The following COL19A1 variants were observed in gnomAD, a reference collection of about 807,000 sequenced individuals.
COL19A1 encodes the protein collagen alpha-1(XIX) chain.
In COL19A1, 159 loss-of-function variants were observed where a neutral mutation model predicts 190.2. The ratio of observed to expected loss-of-function variants is 0.84; its 90% CI spans 0.73 to 0.95. COL19A1 has a LOEUF of 0.95. Among genes scored for constraint, COL19A1 ranks in the 40% least tolerant of loss-of-function variants. COL19A1 has a pLI of 0.00. For synonymous variants in COL19A1, 509 were observed against 458.9 expected, an observed-to-expected ratio of 1.11 and a Z score of -1.39; for missense variants, 1,418 against 1,431.9, an observed-to-expected ratio of 0.99 and a Z score of 0.16.
intron 15 of COL19A1, among the ~76,000 whole-genome samples, chr6:70,090,195 G>T (rs1232608902): frequency 6.6e-6 from 1 of 151,746 alleles, no homozygotes; most frequent in African/African-American, 2.4e-5. Context: ...AAAAAGATTT[G>T]CACATGGAAA....
intron 14 of COL19A1, among the ~76,000 whole-genome samples, chr6:70,055,302 T>C (rs1267853509): frequency 6.6e-6 from 1 of 152,070 alleles, no homozygotes; most frequent in Non-Finnish European, 1.5e-5. Context: ...TGGAGGGCAA[T>C]TTGATACTGT....
intron 11 of COL19A1, among the ~76,000 whole-genome samples, chr6:70,002,552 T>C (rs1777326655): frequency 6.6e-6 from 1 of 151,778 alleles, no homozygotes. Flanking sequence ...ATTGGTCTAT[T>C]CATGGTCTAT....
chr6:70,123,127 C>T (rs1482975907), intron 17 of COL19A1, among the ~76,000 whole-genome samples: 1 of 151,976 alleles, frequency 6.6e-6, no homozygotes, highest in African/African-American at 2.4e-5. Flanking sequence ...AACAAACAAC[C>T]CCATCAAAAA....
chr6:70,095,591 T>TA (rs1221431152), intron 15 of COL19A1, among the ~76,000 whole-genome samples: 1 of 152,210 alleles, frequency 6.6e-6, no homozygotes, highest in Admixed American at 6.6e-5. Context: ...TACACTTCAG[T>TA]AGTGTCAAGT....
At chr6:70,142,639 A>C (rs1786333948) in intron 22 of COL19A1, 128 bp from the exon 23 acceptor site, 1 of 693,550 alleles carries the variant, frequency 1.4e-6, no homozygotes, top group African/African-American at 1.8e-5. Flanking sequence ...AAAGTGGGAA[A>C]GTGGGATGGT....
At chr6:70,063,071 A>G (rs1201804647) in intron 14 of COL19A1, among the ~76,000 whole-genome samples, 1 of 152,158 alleles carries the variant, frequency 6.6e-6, no homozygotes, top group Non-Finnish European at 1.5e-5. Flanking sequence ...AGACAGATGA[A>G]TGAGACAGAA....
chr6:70,178,561 C>T (rs1217601730), intron 42 of COL19A1, among the ~76,000 whole-genome samples: 1 of 152,142 alleles, frequency 6.6e-6, no homozygotes, highest in Non-Finnish European at 1.5e-5. Flanking sequence ...GGCTAGATGA[C>T]AGTGTGAATG....
At chr6:70,047,786 C>T (rs1490750460) in intron 14 of COL19A1, among the ~76,000 whole-genome samples, 1 of 152,086 alleles carries the variant, frequency 6.6e-6, no homozygotes, top group East Asian at 1.9e-4. Context: ...AAATACATTA[C>T]TAAGGCTTCA....
chr6:70,102,178 G>A lies in COL19A1; in HGVS notation c.1234G>A (p.Gly412Arg). ...CTTCTTTGGTTTCAAGGGAAGACGA[G>A]GGAAAACAGGACCTCCCGGAAAACC... ...PGKEGQRGRR[G>R]KTGPPGKPGP... Residue 412 changes from glycine to arginine, a missense_variant, in exon 16 of 51, where the codon GGG becomes AGG. Transcript: ENST00000620364. The A allele has an allele frequency of 6.2e-7, 1 of 1,612,512 alleles. No homozygotes were observed. Among genetic ancestry groups the A allele is most frequent in the Non-Finnish European group, 8.5e-7 (1 of 1,178,684 alleles).
chr6:70,145,355 A>C (rs1017077727), intron 25 of COL19A1, among the ~76,000 whole-genome samples: 27 of 152,284 alleles, frequency 1.8e-4, no homozygotes, highest in African/African-American at 6.3e-4. Context: ...TAAAAAGGAC[A>C]AAATCATGTC....
chr6:70,068,446 C>T lies in COL19A1; in HGVS notation c.1194C>T (p.Pro398=), dbSNP rs1781373066. 2 of 1,600,956 alleles carry T rather than the reference C, an allele frequency of 1.2e-6. No homozygotes were observed. The highest frequency in any genetic ancestry group is 4.5e-5 in the East Asian group (2 of 44,680). ...AGGGTTCCCTGGGGATACAAGGCCC[C>T]CAAGGTCCACCTGGAAAAGAGGGTC... is the stretch of plus-strand genomic sequence containing the variant. ...ALPGSLGIQG[P]QGPPGKEGQR... is the part of the protein sequence containing the mutation. The change falls in exon 15 of 51, where the codon CCC becomes CCT. Residue 398 remains proline (P), a synonymous_variant. Coordinates refer to ENST00000620364, the MANE Select transcript of COL19A1 (RefSeq NM_001858.6).
At chr6:70,167,279 C>A (rs998538896) in intron 37 of COL19A1, among the ~76,000 whole-genome samples, 1 of 152,020 alleles carries the variant, frequency 6.6e-6, no homozygotes, top group Non-Finnish European at 1.5e-5. Context: ...GTGAAAACTG[C>A]AGAAAGGAAA....
intron 46 of COL19A1, 110 bp from the exon 47 acceptor site, chr6:70,187,965 T>C: frequency 1.6e-6 from 2 of 1,272,892 alleles, no homozygotes; most frequent in Non-Finnish European, 2.2e-6. Context: ...TTAAGTTATT[T>C]ATACAAGGCC....
At chr6:69,959,294 T>G (rs1774625689) in intron 9 of COL19A1, among the ~76,000 whole-genome samples, 1 of 152,166 alleles carries the variant, frequency 6.6e-6, no homozygotes, top group East Asian at 1.9e-4. Flanking sequence ...GCATTGGGTA[T>G]GTATTCAAAA....
At chr6:69,970,658 C>G (rs755433632) in intron 11 of COL19A1, among the ~76,000 whole-genome samples, 1 of 152,116 alleles carries the variant, frequency 6.6e-6, no homozygotes, top group Non-Finnish European at 1.5e-5. Context: ...AAGCAACTGT[C>G]TACATGTTAC....
chr6:70,091,453 C>T (rs1021142847), intron 15 of COL19A1, among the ~76,000 whole-genome samples: 20 of 152,196 alleles, frequency 1.3e-4, no homozygotes, highest in Admixed American at 3.9e-4. Context: ...ATAGGGACTT[C>T]GTAAATACTT....
intron 31 of COL19A1, among the ~76,000 whole-genome samples, chr6:70,152,218 C>T (rs371467350): frequency 4.6e-5 from 7 of 151,868 alleles, no homozygotes; most frequent in East Asian, 1.9e-4. Context: ...TATGAATGGA[C>T]GTTGTGTATG....
chr6:70,077,065 G>A (rs958797445), intron 15 of COL19A1, among the ~76,000 whole-genome samples: 4 of 152,156 alleles, frequency 2.6e-5, no homozygotes, highest in South Asian at 2.1e-4. Flanking sequence ...CAAAACATTC[G>A]GAGCATGAAA....
chr6:70,018,371 A>C (rs1472040152), intron 11 of COL19A1, among the ~76,000 whole-genome samples: 1 of 152,140 alleles, frequency 6.6e-6, no homozygotes, highest in Admixed American at 6.5e-5. Flanking sequence ...TTAAGGACCT[A>C]GAATTAGGTT....
Sources: gnomAD v4.1 joint callset for allele counts (sites outside exome capture counted in the v4.1 genomes callset) on GRCh38, gnomAD v4.1.1 for gene constraint, MANE v1.5 for transcripts, NCBI Gene and HGNC (gene_info 2026-07-23, HGNC 2026-07-21) for gene names.